Variants in EIF2AK2 observed in about 807,000 individuals in gnomAD.
The protein encoded by EIF2AK2 is interferon-induced, double-stranded RNA-activated protein kinase.
A neutral mutation model predicts 70.5 loss-of-function variants in EIF2AK2; 40 were observed. The ratio of observed to expected loss-of-function variants is 0.57; its 90% CI spans 0.44 to 0.74. EIF2AK2 has a LOEUF of 0.74. Ranked by LOEUF, EIF2AK2 falls within the 30% of genes least tolerant of loss-of-function variation. The pLI, the probability that EIF2AK2 is intolerant of heterozygous loss-of-function variation, is 0.00. For synonymous variants in EIF2AK2, 198 were observed against 220.9 expected (o/e 0.90, Z 0.92); for missense variants, 555 against 644.3 (o/e 0.86, Z 1.50).
At chr2:37,131,707 T>C (rs1157663788) in intron 10 of EIF2AK2, among the ~76,000 whole-genome samples, 1 of 152,134 alleles carries the variant, frequency 6.6e-6, no homozygotes, top group East Asian at 1.9e-4. Context: ...GATTGATTTA[T>C]AGATGGCAGC....
chr2:37,114,345 A>T (rs1674261725), intron 14 of EIF2AK2, among the ~76,000 whole-genome samples: 2 of 152,156 alleles, frequency 1.3e-5, no homozygotes, highest in Middle Eastern at 3.4e-3. Context: ...ATTTAAAAAA[A>T]TAGTTAAATT....
intron 5 of EIF2AK2, 146 bp from the exon 6 acceptor site, chr2:37,139,903 T>A: frequency 1.1e-6 from 1 of 878,994 alleles, no homozygotes; most frequent in Non-Finnish European, 1.6e-6. Flanking sequence ...TTGCATAATT[T>A]AAACCCTCAG....
intron 9 of EIF2AK2, chr2:37,136,708 C>G (rs1558422671): frequency 4.4e-6 from 1 of 229,706 alleles, no homozygotes; most frequent in African/African-American, 2.3e-5. Context: ...ACAGTGAAAA[C>G]AGCCCAATTC....
intron 4 of EIF2AK2, among the ~76,000 whole-genome samples, chr2:37,142,095 TTC>T (rs1312242068): frequency 6.6e-6 from 1 of 151,748 alleles, no homozygotes; most frequent in Admixed American, 6.6e-5. Context: ...CTACCTTTTT[TTC>T]TTAGTCCGAC....
chr2:37,115,697 C>CA (rs1350022683), intron 13 of EIF2AK2, among the ~76,000 whole-genome samples: 4 of 152,038 alleles, frequency 2.6e-5, no homozygotes, highest in Admixed American at 6.6e-5. Context: ...GGAATGGGTC[C>CA]ATTCCCAACA....
At chr2:37,155,610 G>A (rs1470793411) in intron 1 of EIF2AK2, among the ~76,000 whole-genome samples, 1 of 152,122 alleles carries the variant, frequency 6.6e-6, no homozygotes, top group South Asian at 2.1e-4. Context: ...TCTTTGGGGA[G>A]CAGATTCTAC....
At chr2:37,114,363 C>T (rs1273496410) in intron 14 of EIF2AK2, among the ~76,000 whole-genome samples, 1 of 151,870 alleles carries the variant, frequency 6.6e-6, no homozygotes, top group Non-Finnish European at 1.5e-5. Context: ...ATTATGGTAT[C>T]TCCATATTTT....
intron 4 of EIF2AK2, among the ~76,000 whole-genome samples, chr2:37,144,536 C>T (rs1259562821): frequency 6.6e-5 from 10 of 151,866 alleles, no homozygotes; most frequent in South Asian, 6.2e-4. Flanking sequence ...ATGATCCTGA[C>T]GCTGTGTAGG....
chr2:37,122,711 C>T, intron 11 of EIF2AK2, 47 bp from the exon 12 acceptor site: 1 of 1,609,358 alleles, frequency 6.2e-7, no homozygotes, highest in African/African-American at 1.3e-5. Context: ...GTACATCCCT[C>T]ATAACAACCA....
At position 37,103,352 on chromosome 2, in the gene EIF2AK2, C is replaced by G. The variant is rs1311078316; in HGVS notation, c.*3921G>C. The G allele has an allele frequency of 6.6e-6, 1 of 152,148 alleles. No individual in the cohort carries two copies. Among genetic ancestry groups the G allele is most frequent in the East Asian group, 1.9e-4 (1 of 5,172 alleles). 9.4% of individuals were successfully genotyped at this position (152,148 alleles called of 1,614,324 possible). A position where few individuals can be genotyped will look rare whatever the true frequency, so the allele number is the denominator to read the frequency against. ...CTGGGATTACAGGCGCCTACCACCACACCCAGCTAATTTTTGTATTTTTAG... is the reference window on the plus strand; with the variant it reads ...CTGGGATTACAGGCGCCTACCACCAGACCCAGCTAATTTTTGTATTTTTAG... On this transcript the variant is annotated 3_prime_UTR_variant, in exon 17 of 17. Coordinates refer to ENST00000233057, the MANE Select transcript of EIF2AK2 (RefSeq NM_001135651.3).
intron 10 of EIF2AK2, among the ~76,000 whole-genome samples, chr2:37,130,427 C>T (rs1674899892): frequency 6.6e-6 from 1 of 152,078 alleles, no homozygotes; most frequent in African/African-American, 2.4e-5. Context: ...TAATCCCCAC[C>T]CATTCTCCCC....
At chr2:37,139,562 A>G (rs1675255499) in intron 6 of EIF2AK2, 69 bp downstream of exon 6, 1 of 1,570,152 alleles carries the variant, frequency 6.4e-7, no homozygotes, top group Admixed American at 1.9e-5. Flanking sequence ...ATGTTAACAC[A>G]GTCTAACCTC....
At chr2:37,116,062 A>T (rs4648227) in intron 13 of EIF2AK2, among the ~76,000 whole-genome samples, 4,662 of 151,882 alleles carry the variant, frequency 0.031, 235 homozygotes, top group African/African-American at 0.11. Flanking sequence ...ACGCTTGGCT[A>T]ATTTTTTTGT....
At chr2:37,123,907 C>G (rs1674642049) in intron 11 of EIF2AK2, among the ~76,000 whole-genome samples, 1 of 151,316 alleles carries the variant, frequency 6.6e-6, no homozygotes, top group Non-Finnish European at 1.5e-5. Context: ...GTATATGACA[C>G]AAATTTGCAA....
At chr2:37,125,042 C>T (rs1278205068) in intron 11 of EIF2AK2, among the ~76,000 whole-genome samples, 2 of 151,262 alleles carry the variant, frequency 1.3e-5, no homozygotes, top group East Asian at 1.9e-4. Flanking sequence ...GAGGGAGTTT[C>T]GCTTTTGTTG....
intron 9 of EIF2AK2, chr2:37,136,779 T>A (rs1309766532): frequency 2.5e-6 from 1 of 399,012 alleles, no homozygotes; most frequent in Non-Finnish European, 4.6e-6. Flanking sequence ...ACCCCCAAAG[T>A]GCTTTATGTT....
chr2:37,155,631 C>T (rs568955354), intron 1 of EIF2AK2, among the ~76,000 whole-genome samples: 1 of 152,280 alleles, frequency 6.6e-6, no homozygotes, highest in African/African-American at 2.4e-5. Context: ...ATCTTATTCA[C>T]TCATCTGGAA....
Position 37,146,846 on chromosome 2 carries a change from C to A in EIF2AK2, c.240+7G>T. ...CCCATTTATTAGGAAAAAAGGCAAT[C>A]ACTCACCTTCTTTTCCTTATTAAGT... is the stretch of plus-strand genomic sequence containing the variant. On this transcript the variant is annotated splice_region_variant and intron_variant, in intron 4 of 16. Transcript: ENST00000233057. 1 of 1,604,456 alleles carries A rather than the reference C, an allele frequency of 6.2e-7. No individual in the cohort carries two copies. Among genetic ancestry groups the A allele is most frequent in the Non-Finnish European group, 8.5e-7 (1 of 1,177,536 alleles).
chr2:37,153,513 T>C (rs1192999473), intron 1 of EIF2AK2, among the ~76,000 whole-genome samples: 1 of 151,934 alleles, frequency 6.6e-6, no homozygotes, highest in Non-Finnish European at 1.5e-5. Flanking sequence ...TTTTTTATAT[T>C]TTCTAATCTC....
Sources: gnomAD v4.1 joint callset for allele counts (sites outside exome capture counted in the v4.1 genomes callset) on GRCh38, gnomAD v4.1.1 for gene constraint, MANE v1.5 for transcripts, NCBI Gene and HGNC (gene_info 2026-07-23, HGNC 2026-07-21) for gene names.